Variants in CADM1 observed in about 807,000 individuals in gnomAD.
CADM1 encodes the protein TSLC-1.
A neutral mutation model predicts 53.1 loss-of-function variants in CADM1; 15 were observed. That is an observed-to-expected ratio of 0.28 (90% CI 0.19 to 0.44). The LOEUF (loss-of-function observed/expected upper bound fraction) is 0.44, where lower values mean the gene tolerates loss of function less well. CADM1 is among the 20% of genes least tolerant of loss of function. The probability of loss-of-function intolerance (pLI) is 1.00; values close to 1 mark genes in which losing one functional copy is unlikely to be tolerated. For missense variants in CADM1, 434 were observed against 611.3 expected (o/e 0.71, Z 3.06); for synonymous variants, 281 against 243.0 (o/e 1.16, Z -1.45).
At chr11:115,253,299 C>T (rs1174392841) in intron 1 of CADM1, among the ~76,000 whole-genome samples, 2 of 152,172 alleles carry the variant, frequency 1.3e-5, no homozygotes, top group African/African-American at 4.8e-5. Context: ...ACAGATAATT[C>T]CTGCCTTTAG....
chr11:115,367,513 C>T (rs1440671572), intron 1 of CADM1, among the ~76,000 whole-genome samples: 1 of 152,036 alleles, frequency 6.6e-6, no homozygotes, highest in African/African-American at 2.4e-5. Flanking sequence ...TAAAATAATG[C>T]ATATTATAGA....
intron 1 of CADM1, 23 bp downstream of exon 1, chr11:115,504,248 A>G (rs1949801385): frequency 6.4e-7 from 1 of 1,567,896 alleles, no homozygotes; most frequent in African/African-American, 1.4e-5. Context: ...TTTAGGGGCC[A>G]ACCGGTCGGT....
chr11:115,359,180 T>C (rs1945961795), intron 1 of CADM1, among the ~76,000 whole-genome samples: 1 of 152,188 alleles, frequency 6.6e-6, no homozygotes, highest in Non-Finnish European at 1.5e-5. Context: ...AAAATGTTGT[T>C]ATGAAGACTG....
intron 1 of CADM1, among the ~76,000 whole-genome samples, chr11:115,416,772 T>G (rs1338961398): frequency 6.6e-6 from 1 of 151,074 alleles, no homozygotes; most frequent in Non-Finnish European, 1.5e-5. Context: ...AACTCAGGCA[T>G]GCAACAAGAC....
chr11:115,251,632 A>T (rs1251115526), intron 1 of CADM1, among the ~76,000 whole-genome samples: 1 of 152,226 alleles, frequency 6.6e-6, no homozygotes, highest in Non-Finnish European at 1.5e-5. Context: ...GAACTATTAT[A>T]TGAAATGACA....
chr11:115,380,221 C>T (rs1175741173), intron 1 of CADM1, among the ~76,000 whole-genome samples: 2 of 488 alleles, frequency 4.1e-3, no homozygotes, highest in Admixed American at 0.019. Flanking sequence ...AAAATACAAT[C>T]GGGGGAAGAA....
chr11:115,257,517 C>A (rs896881943), intron 1 of CADM1, among the ~76,000 whole-genome samples: 6 of 152,188 alleles, frequency 3.9e-5, no homozygotes, highest in African/African-American at 1.4e-4. Context: ...TGCTGGTATT[C>A]TCTAGCACTG....
At chr11:115,273,170 T>C (rs1943350685) in intron 1 of CADM1, among the ~76,000 whole-genome samples, 1 of 152,218 alleles carries the variant, frequency 6.6e-6, no homozygotes, top group Admixed American at 6.5e-5. Context: ...TAAAACTGTT[T>C]TGATCTATTA....
intron 1 of CADM1, among the ~76,000 whole-genome samples, chr11:115,456,773 T>A (rs1321164428): frequency 5.9e-5 from 9 of 152,156 alleles, no homozygotes; most frequent in Admixed American, 2.6e-4. Context: ...AAATAATGTA[T>A]GTCATGTGTA....
At chr11:115,405,747 TTA>T (rs1947296932) in intron 1 of CADM1, among the ~76,000 whole-genome samples, 1 of 152,344 alleles carries the variant, frequency 6.6e-6, no homozygotes, top group African/African-American at 2.4e-5. Context: ...ATTTATATCA[TTA>T]TGTTTAATAT....
At chr11:115,184,671 C>A (rs1487613666) in intron 10 of CADM1, among the ~76,000 whole-genome samples, 1 of 152,214 alleles carries the variant, frequency 6.6e-6, no homozygotes, top group East Asian at 1.9e-4. Flanking sequence ...TCTACTACTA[C>A]ACGTCAGCTG....
At chr11:115,353,913 T>C (rs1249670291) in intron 1 of CADM1, among the ~76,000 whole-genome samples, 3 of 152,152 alleles carry the variant, frequency 2.0e-5, no homozygotes, top group African/African-American at 7.2e-5. Context: ...GTGAAAGGCA[T>C]GGCACAAGAT....
rs1055234778 is a variant in CADM1 at position 115,247,982 on chromosome 11, T to A, written c.125-7562A>T. Among the ~76,000 whole-genome samples the A allele has an allele frequency of 3.3e-5, 5 of 152,258 alleles. No homozygotes were observed. The South Asian group carries it at 1.0e-3, about 31-fold the overall frequency. On this transcript the variant is annotated intron_variant, in intron 1 of 11. Transcript: ENST00000331581. The stretch of plus-strand genomic sequence containing the variant: ...TTATGTAAAGTTTCTTTTGTCCCCA[T>A]GAAATTCTTTAACATCAGCTGCAAG...
In CADM1 at chr11:115,402,677, CTTTA is replaced by C. The variant is rs146047918; in HGVS notation, c.124+101590_124+101593del. On this transcript the variant is annotated intron_variant, in intron 1 of 11. Coordinates refer to ENST00000331581, the MANE Select transcript of CADM1 (RefSeq NM_001301043.2). ...TCAAAACATGTGAACTGATGCTCAA[CTTTA>C]TTCATAATAAGAGACATAACATTTT... is the stretch of plus-strand genomic sequence containing the variant. 8.9e-4 allele frequency among the ~76,000 whole-genome samples: 136 copies of C among 152,118 alleles called. No homozygotes were observed. In the South Asian group the frequency reaches 0.012, roughly 13 times the overall value.
At chr11:115,186,631 C>T (rs1939566417) in intron 10 of CADM1, among the ~76,000 whole-genome samples, 1 of 152,192 alleles carries the variant, frequency 6.6e-6, no homozygotes, top group African/African-American at 2.4e-5. Context: ...CCAGTTTCCT[C>T]ATTTATAAAT....
chr11:115,369,714 A>G (rs1946264693), intron 1 of CADM1, among the ~76,000 whole-genome samples: 1 of 152,174 alleles, frequency 6.6e-6, no homozygotes, highest in Non-Finnish European at 1.5e-5. Context: ...CCTCACTCAC[A>G]TGAAATTTCT....
intron 10 of CADM1, among the ~76,000 whole-genome samples, chr11:115,185,481 G>A (rs1939498519): frequency 6.6e-6 from 1 of 152,186 alleles, no homozygotes; most frequent in African/African-American, 2.4e-5. Context: ...TACCATTTGA[G>A]TATCAGGATA....
rs924601490 is a variant in CADM1, at chr11:115,169,576, A to C, written c.*6898T>G. Reference sequence around the variant, plus strand: ...GATTCATGTTCCTAATTGCAACACTATAGCTGCCCTCATCACTTTATTCTG... The same window carrying C: ...GATTCATGTTCCTAATTGCAACACTCTAGCTGCCCTCATCACTTTATTCTG... On this transcript the variant is annotated 3_prime_UTR_variant, in exon 12 of 12. Coordinates refer to ENST00000331581, the MANE Select transcript of CADM1 (RefSeq NM_001301043.2). The C allele has an allele frequency of 1.5e-5, 7 of 456,476 alleles. No individual in the cohort carries two copies. The highest frequency in any genetic ancestry group is 2.4e-5 in the Admixed American group (1 of 42,538). 28.3% of individuals were successfully genotyped at this position (456,476 alleles called of 1,614,324 possible). A position where few individuals can be genotyped will look rare whatever the true frequency, so the allele number is the denominator to read the frequency against.
intron 1 of CADM1, among the ~76,000 whole-genome samples, chr11:115,327,576 A>G (rs555903273): frequency 6.6e-6 from 1 of 152,186 alleles, no homozygotes; most frequent in South Asian, 2.1e-4. Context: ...CAGCATTTGG[A>G]AAACCAGCTG....
Sources: gnomAD v4.1 joint callset for allele counts (sites outside exome capture counted in the v4.1 genomes callset) on GRCh38, gnomAD v4.1.1 for gene constraint, MANE v1.5 for transcripts, NCBI Gene and HGNC (gene_info 2026-07-23, HGNC 2026-07-21) for gene names.